The following SNRNP200 variants were observed in gnomAD, a reference collection of about 807,000 sequenced individuals.
The protein encoded by SNRNP200 is U5 small nuclear ribonucleoprotein 200 kDa helicase.
SNRNP200 carries 66 observed loss-of-function variants against 255.2 expected under a neutral mutation model. The ratio of observed to expected loss-of-function variants is 0.26; its 90% CI spans 0.21 to 0.32. The LOEUF is 0.32. SNRNP200 is among the 10% of genes least tolerant of loss of function. The pLI is 1.00. For missense variants in SNRNP200, 1,585 were observed against 2,749.8 expected (o/e 0.58, Z 9.47); for synonymous variants, 939 against 1,027.8 (o/e 0.91, Z 1.65).
At chr2:96,289,433 T>G in intron 21 of SNRNP200, 54 bp from the exon 22 acceptor site, 1 of 1,586,032 alleles carries the variant, frequency 6.3e-7, no homozygotes, top group South Asian at 1.1e-5. Context: ...CTCCAACCTC[T>G]AACTGTGGAC....
chr2:96,279,785 G>C (rs1684728663), intron 35 of SNRNP200: 2 of 527,304 alleles, frequency 3.8e-6, no homozygotes, highest in Admixed American at 5.9e-5. Context: ...TGCTGCTCAA[G>C]TGCCATGAAC....
At chr2:96,303,133 T>C (rs1330918141) in intron 3 of SNRNP200, 26 bp downstream of exon 3, 6 of 1,610,316 alleles carry the variant, frequency 3.7e-6, no homozygotes, top group South Asian at 2.2e-5. Flanking sequence ...AAAGACCTAA[T>C]ATATATTTCA....
chr2:96,283,802 G>A lies in SNRNP200; in HGVS notation c.4584+11C>T. On this transcript the variant is annotated intron_variant, in intron 32 of 44. Transcript: ENST00000323853. This position sits in a 1 kb window ranked among gnomAD's most constrained non-coding sequence, Gnocchi z 4.7. Reference sequence around the variant, plus strand: ...GACACCCCACAGACGGATGAGGAGAGTGGGTCCTACCTGGATGTGCAGCTC... The same window carrying A: ...GACACCCCACAGACGGATGAGGAGAATGGGTCCTACCTGGATGTGCAGCTC... 6.2e-7 allele frequency: 1 copy of A among 1,613,542 alleles called. No individual in the cohort carries two copies.
rs1443452229 is a variant in SNRNP200, at chr2:96,289,390, G to C, written c.2941-11C>G. The C allele has an allele frequency of 1.2e-6, 2 of 1,613,400 alleles. No individual in the cohort carries two copies. The highest frequency in any genetic ancestry group is 1.3e-5 in the African/African-American group (1 of 74,908). On this transcript the variant is annotated splice_polypyrimidine_tract_variant and intron_variant, in intron 21 of 44. Transcript: ENST00000323853. ...GCCCAGTTCTGTCACCTGGAGAGAA[G>C]GTAGACTCAATCCAGTGCTGACTAT...
At chr2:96,293,543 A>C in intron 14 of SNRNP200, 34 bp from the exon 15 acceptor site, 1 of 1,559,614 alleles carries the variant, frequency 6.4e-7, no homozygotes, top group Non-Finnish European at 8.8e-7. Context: ...TACCTCTAGC[A>C]CTAGAGATAC....
intron 3 of SNRNP200, among the ~76,000 whole-genome samples, chr2:96,302,090 T>C (rs952256148): frequency 6.6e-6 from 1 of 152,234 alleles, no homozygotes; most frequent in Non-Finnish European, 1.5e-5. Context: ...CACACATGTG[T>C]AATGGTTAGG....
rs771621591 is a variant in SNRNP200 at position 96,298,908 on chromosome 2, A to G, written c.789T>C (p.Ile263=). 1 of 1,614,226 alleles carries G rather than the reference A, an allele frequency of 6.2e-7. No individual in the cohort carries two copies. Among genetic ancestry groups the G allele is most frequent in the Non-Finnish European group, 8.5e-7 (1 of 1,180,046 alleles). The change falls in exon 7 of 45, where the codon ATT becomes ATC. Residue 263 remains isoleucine (I), a synonymous_variant. Coordinates refer to ENST00000323853, the MANE Select transcript of SNRNP200 (RefSeq NM_014014.5). ...GCTGCCGCTGCAGCCAAAATGCATC[A>G]ATATCCCGAGGGTGCAAATCCTTCT... The part of the protein sequence containing the change: ...SKKKDLHPRD[I]DAFWLQRQLS...
At position 96,287,176 on chromosome 2, in the gene SNRNP200, A is replaced by G. The variant is rs1449103451; in HGVS notation, c.3485-16T>C. 1 of 1,614,168 alleles carries G rather than the reference A, an allele frequency of 6.2e-7. No individual in the cohort carries two copies. Among genetic ancestry groups the G allele is most frequent in the Non-Finnish European group, 8.5e-7 (1 of 1,180,022 alleles). Reference sequence around the variant, plus strand: ...ATAAGCTCCCCTACAAGGAAATGAGAGTACTGAGGCTGCAGCCCAGCCTGC... The same window carrying G: ...ATAAGCTCCCCTACAAGGAAATGAGGGTACTGAGGCTGCAGCCCAGCCTGC... On this transcript the variant is annotated splice_polypyrimidine_tract_variant and intron_variant, in intron 26 of 44. Coordinates refer to ENST00000323853, the MANE Select transcript of SNRNP200 (RefSeq NM_014014.5). The surrounding 1 kb of genome is among the most constrained non-coding windows in gnomAD (Gnocchi z 5.7).
Position 96,305,520 on chromosome 2 carries a change from G to A in SNRNP200, c.-83C>T, listed in dbSNP as rs1001822797. On this transcript the variant is annotated 5_prime_UTR_variant, in exon 1 of 45. Coordinates refer to ENST00000323853, the MANE Select transcript of SNRNP200 (RefSeq NM_014014.5). ...GGCCGCAGATCTCTGCTCCCGCCGC[G>A]CCGGAACGACGCAGGAAAGACGCAC... 1 of 1,583,270 alleles carries A rather than the reference G, an allele frequency of 6.3e-7. No individual in the cohort carries two copies. The highest frequency in any genetic ancestry group is 8.6e-7 in the Non-Finnish European group (1 of 1,156,394).
chr2:96,277,014 A>G lies in SNRNP200; in HGVS notation c.6093-29T>C, dbSNP rs746856751. ...CAGGGGGAGAGGAGGGGCGCACGTC[A>G]GTGATGGGGCAGTGGGCTCAGAGCA... On this transcript the variant is annotated intron_variant, in intron 42 of 44. Transcript: ENST00000323853. The surrounding 1 kb of genome is among the most constrained non-coding windows in gnomAD (Gnocchi z 4.4). 1 of 1,614,082 alleles carries G rather than the reference A, an allele frequency of 6.2e-7. No individual in the cohort carries two copies. Among genetic ancestry groups the G allele is most frequent in the Admixed American group, 1.7e-5 (1 of 60,028 alleles).
rs755975696 is a variant in SNRNP200, at chr2:96,286,698, G to A, written c.3819C>T (p.Asp1273=). ...AGAGGAGACACTCACAGAGCCAGCG[G>A]TCAGACACCACTCGGATGAAGTACT... ...PPQYFIRVVS[D]RWLSCETQLP... The change falls in exon 28 of 45, where the codon GAC becomes GAT. Residue 1273 remains aspartate (D), a synonymous_variant. Coordinates refer to ENST00000323853, the MANE Select transcript of SNRNP200 (RefSeq NM_014014.5). The surrounding 1 kb of genome is among the most constrained non-coding windows in gnomAD (Gnocchi z 4.8). 37 of 1,613,658 alleles carry A rather than the reference G, an allele frequency of 2.3e-5. No homozygotes were observed. The highest frequency in any genetic ancestry group is 3.1e-5 in the Non-Finnish European group (37 of 1,180,012).
rs1458127609 is a variant in SNRNP200, at chr2:96,277,167, G to T, written c.6006C>A (p.Ser2002Arg). 1 of 1,614,142 alleles carries T rather than the reference G, an allele frequency of 6.2e-7. No homozygotes were observed. Among genetic ancestry groups the T allele is most frequent in the Admixed American group, 1.7e-5 (1 of 60,016 alleles). ...AAAAGCGAGCCACATCTGCAATCTG[G>T]CTGTCAGTCAGCTGAAGCAACGCGT... Reference protein sequence around the residue: ...ERNALLQLTDSQIADVARFCN... With the variant: ...ERNALLQLTDRQIADVARFCN... Residue 2002 changes from serine to arginine, a missense_variant, in exon 42 of 45, where the codon AGC becomes AGA. Around this residue, in one of 9 missense-constraint regions of SNRNP200, gnomAD observed 279 missense variants for 551.2 expected, o/e 0.51. Transcript: ENST00000323853. The surrounding 1 kb of genome is among the most constrained non-coding windows in gnomAD (Gnocchi z 4.4).
rs1480813499 is a variant in SNRNP200, at chr2:96,289,368, C to T, written c.2952G>A (p.Leu984=). 1.2e-6 allele frequency: 2 copies of T among 1,613,884 alleles called. No individual in the cohort carries two copies. Among genetic ancestry groups the T allele is most frequent in the African/African-American group, 2.7e-5 (2 of 74,918 alleles). The change falls in exon 22 of 45, where the codon CTG becomes CTA. Residue 984 remains leucine, a synonymous_variant. Coordinates refer to ENST00000323853, the MANE Select transcript of SNRNP200 (RefSeq NM_014014.5). ...KKTGNFQVTE[L]GRIASHYYIT... Reference sequence around the variant, plus strand: ...TGTAGTAGTGGCTGGCTATACGGCCCAGTTCTGTCACCTGGAGAGAAGGTA... The same window carrying T: ...TGTAGTAGTGGCTGGCTATACGGCCTAGTTCTGTCACCTGGAGAGAAGGTA...
intron 9 of SNRNP200, 118 bp downstream of exon 9, chr2:96,298,166 A>C: frequency 6.7e-7 from 1 of 1,486,970 alleles, no homozygotes; most frequent in Non-Finnish European, 9.3e-7. Context: ...ATAAACCCCA[A>C]AGAATTTAGG....
At chr2:96,303,894 A>C (rs925549367) in intron 2 of SNRNP200, among the ~76,000 whole-genome samples, 18 of 151,828 alleles carry the variant, frequency 1.2e-4, no homozygotes, top group Non-Finnish European at 1.8e-4. Context: ...GTCTCAAAAA[A>C]AAAAAAAAAA....
At chr2:96,292,381 A>G (rs556590694) in intron 16 of SNRNP200, among the ~76,000 whole-genome samples, 1 of 152,272 alleles carries the variant, frequency 6.6e-6, no homozygotes, top group Admixed American at 6.5e-5. Flanking sequence ...ATATAAATTC[A>G]TATGCTTCTT....
chr2:96,280,585 T>C (rs570683942), intron 35 of SNRNP200, among the ~76,000 whole-genome samples: 17 of 152,150 alleles, frequency 1.1e-4, no homozygotes, highest in African/African-American at 3.6e-4. Flanking sequence ...AGTCTCGCTC[T>C]GTTGCTCAGG....
rs1428711139 is a variant in SNRNP200 at position 96,289,230 on chromosome 2, T to C, written c.3090A>G (p.Arg1030=). 6.2e-7 allele frequency: 1 copy of C among 1,614,216 alleles called. No individual in the cohort carries two copies. Among genetic ancestry groups the C allele is most frequent in the South Asian group, 1.1e-5 (1 of 91,084 alleles). The change falls in exon 22 of 45, where the codon AGA becomes AGG. Residue 1030 remains arginine, a synonymous_variant. Coordinates refer to ENST00000323853, the MANE Select transcript of SNRNP200 (RefSeq NM_014014.5). ...LSSEFKNITV[R]EEEKLELQKL... ...CCATCATGCTGCATAGGCTCACCTCTCTCACTGTGATGTTCTTGAACTCAG... is the reference window on the plus strand; with the variant it reads ...CCATCATGCTGCATAGGCTCACCTCCCTCACTGTGATGTTCTTGAACTCAG...
At chr2:96,276,845 G>C (rs1214044395) in intron 43 of SNRNP200, 59 bp downstream of exon 43, 18 of 1,479,772 alleles carry the variant, frequency 1.2e-5, no homozygotes, top group East Asian at 2.3e-5. Flanking sequence ...CTTGTACCAA[G>C]CACCTAGCCA....
Sources: gnomAD v4.1 joint callset for allele counts (sites outside exome capture counted in the v4.1 genomes callset) on GRCh38, gnomAD v4.1.1 for gene constraint, gnomAD v4.1.1 regional missense constraint, Gnocchi (gnomAD v3.1) non-coding constraint, MANE v1.5 for transcripts, NCBI Gene and HGNC (gene_info 2026-07-23, HGNC 2026-07-21) for gene names.